The following RXRA variants were observed in gnomAD, a reference collection of about 807,000 sequenced individuals.
RXRA encodes retinoid X receptor alpha, also known as retinoic acid receptor RXR-alpha.
In RXRA, 5 loss-of-function variants were observed where a neutral mutation model predicts 44.5. The observed-to-expected ratio is 0.11, with a 90% confidence interval of 0.06 to 0.24. RXRA has a LOEUF of 0.24. Ranked by LOEUF, RXRA falls within the 10% of genes least tolerant of loss-of-function variation. The pLI, the probability that RXRA is intolerant of heterozygous loss-of-function variation, is 1.00. For missense variants in RXRA, 412 were observed against 646.5 expected, an observed-to-expected ratio of 0.64 and a Z score of 3.93; for synonymous variants, 291 against 271.4, an observed-to-expected ratio of 1.07 and a Z score of -0.71.
chr9:134,385,522 G>T (rs987648740), intron 1 of RXRA, among the ~76,000 whole-genome samples: 1 of 152,060 alleles, frequency 6.6e-6, no homozygotes. Context: ...CGTCCCCCAC[G>T]CCCCCACAGG....
intron 1 of RXRA, among the ~76,000 whole-genome samples, chr9:134,329,361 CT>C (rs1834968131): frequency 1.3e-5 from 2 of 152,244 alleles, no homozygotes; most frequent in Non-Finnish European, 2.9e-5. Flanking sequence ...AGCGCGGGCG[CT>C]GCCCGACGGC....
intron 6 of RXRA, chr9:134,423,624 C>T (rs368402090): frequency 3.5e-5 from 34 of 985,372 alleles, no homozygotes; most frequent in East Asian, 1.1e-4. Context: ...GACTTAATCC[C>T]GCTGGCCTCG....
intron 6 of RXRA, chr9:134,422,930 C>T: frequency 3.0e-6 from 3 of 985,490 alleles, no homozygotes; most frequent in Non-Finnish European, 3.6e-6. Flanking sequence ...CCGCAGCTCT[C>T]TTTCCATGCG....
chr9:134,385,548 C>T (rs896795188), intron 1 of RXRA, among the ~76,000 whole-genome samples: 6 of 152,202 alleles, frequency 3.9e-5, no homozygotes, highest in African/African-American at 7.2e-5. Flanking sequence ...CCCCAGGATC[C>T]GTAATGCTGG....
chr9:134,404,202 A>C (rs547001785), intron 2 of RXRA: 1 of 152,266 alleles, frequency 6.6e-6, no homozygotes, highest in African/African-American at 2.4e-5. Flanking sequence ...GGGGAGGGCC[A>C]GGCACTCTGC....
In RXRA at chr9:134,382,926, G is replaced by A. The variant is rs570268911; in HGVS notation, c.29-18706G>A. On this transcript the variant is annotated intron_variant, in intron 1 of 9. Coordinates refer to ENST00000481739, the MANE Select transcript of RXRA (RefSeq NM_002957.6). The stretch of plus-strand genomic sequence containing the variant: ...TTCTTGGAGCGTGCCGAATGCAGGC[G>A]TAGCTTCGGGCTGTCTGGACAGGAC... Among the ~76,000 whole-genome samples the A allele has an allele frequency of 1.5e-3, 231 of 152,314 alleles. 1 individual carries two copies. The highest frequency in any genetic ancestry group is 5.2e-3 in the African/African-American group (217 of 41,560).
intron 1 of RXRA, among the ~76,000 whole-genome samples, chr9:134,353,197 CAA>C (rs1354976125): frequency 5.9e-5 from 9 of 152,146 alleles, no homozygotes; most frequent in South Asian, 4.1e-4. Context: ...ACTTTTGAAA[CAA>C]GAGCAAACAG....
At position 134,408,193 on chromosome 9, in the gene RXRA, G is replaced by A. The variant is rs777069038; in HGVS notation, c.324G>A (p.Lys108=). Residue 108 remains lysine, a synonymous_variant, in exon 3 of 10, where the codon AAG becomes AAA. Coordinates refer to ENST00000481739, the MANE Select transcript of RXRA (RefSeq NM_002957.6). ...CCGTCAGCAGCAGCGAGGACATCAA[G>A]CCCCCCCTGGGCCTCAATGGCGTCC... ...MNPVSSSEDI[K]PPLGLNGVLK... 3 of 1,601,584 alleles carry A rather than the reference G, an allele frequency of 1.9e-6. No homozygotes were observed. Among genetic ancestry groups the A allele is most frequent in the African/African-American group, 2.7e-5 (2 of 74,586 alleles).
intron 1 of RXRA, among the ~76,000 whole-genome samples, chr9:134,339,532 TGA>T (rs1399619683): frequency 6.6e-6 from 1 of 150,814 alleles, no homozygotes; most frequent in African/African-American, 2.4e-5. Flanking sequence ...TGTGTGTGTG[TGA>T]GCCCGTGTGT....
intron 1 of RXRA, among the ~76,000 whole-genome samples, chr9:134,378,975 A>AGGTGCCTG (rs1830599091): frequency 6.6e-6 from 1 of 152,188 alleles, no homozygotes. Context: ...GGGTGGGAAC[A>AGGTGCCTG]CACGTCTCTT....
At chr9:134,416,533 G>T (rs551158164) in intron 4 of RXRA, among the ~76,000 whole-genome samples, 1 of 152,214 alleles carries the variant, frequency 6.6e-6, no homozygotes. Context: ...TGGCCAGGGT[G>T]GGGCCGGGCG....
intron 1 of RXRA, among the ~76,000 whole-genome samples, chr9:134,336,109 C>A (rs1240761093): frequency 2.0e-5 from 3 of 152,172 alleles, no homozygotes; most frequent in Non-Finnish European, 2.9e-5. Flanking sequence ...GGAGGCGGGG[C>A]CTTCGTCAGG....
chr9:134,337,657 G>A (rs953289456), intron 1 of RXRA, among the ~76,000 whole-genome samples: 3 of 152,124 alleles, frequency 2.0e-5, no homozygotes, highest in Non-Finnish European at 4.4e-5. Flanking sequence ...TTTTGAATTG[G>A]GTCATGAAGG....
At chr9:134,370,254 T>G (rs1297549867) in intron 1 of RXRA, among the ~76,000 whole-genome samples, 1 of 152,138 alleles carries the variant, frequency 6.6e-6, no homozygotes, top group Non-Finnish European at 1.5e-5. Flanking sequence ...GCTCTGAGCT[T>G]GAGCACTGGC....
chr9:134,358,074 C>CA (rs1249736899), intron 1 of RXRA, among the ~76,000 whole-genome samples: 1 of 152,274 alleles, frequency 6.6e-6, no homozygotes, highest in Admixed American at 6.5e-5. Flanking sequence ...GCTCCTGCAG[C>CA]ACCATCTCCA....
At chr9:134,435,188 C>T (rs909681937) in intron 9 of RXRA, among the ~76,000 whole-genome samples, 2 of 152,182 alleles carry the variant, frequency 1.3e-5, no homozygotes, top group African/African-American at 4.8e-5. Flanking sequence ...AGAAAGACTT[C>T]GTTAATAATT....
intron 1 of RXRA, among the ~76,000 whole-genome samples, chr9:134,392,218 G>A (rs953029298): frequency 2.8e-4 from 43 of 152,168 alleles, no homozygotes; most frequent in Admixed American, 6.5e-5. Flanking sequence ...CCGTGACTCC[G>A]CTTCTTTCCA....
rs933673871 is a variant in RXRA at position 134,380,712 on chromosome 9, A to T, written c.29-20920A>T. Among the ~76,000 whole-genome samples the T allele has an allele frequency of 2.0e-5, 3 of 151,810 alleles. No homozygotes were observed. The South Asian group carries it at 6.3e-4, about 32-fold the overall frequency. ...GTCCCAGCTCCTGGGCCAGGTGGGG[A>T]GTGCAGCTGGCCACCGAGCCTCATG... On this transcript the variant is annotated intron_variant, in intron 1 of 9. Coordinates refer to ENST00000481739, the MANE Select transcript of RXRA (RefSeq NM_002957.6).
intron 1 of RXRA, chr9:134,379,438 G>T: frequency 1.0e-6 from 1 of 987,398 alleles, no homozygotes; most frequent in Non-Finnish European, 1.2e-6. Context: ...GGCCATCCAG[G>T]CATCTGTGTC....
Sources: gnomAD v4.1 joint callset for allele counts (sites outside exome capture counted in the v4.1 genomes callset) on GRCh38, gnomAD v4.1.1 for gene constraint, MANE v1.5 for transcripts, NCBI Gene and HGNC (gene_info 2026-07-23, HGNC 2026-07-21) for gene names.